Variants in ULK4 observed in about 807,000 individuals in gnomAD.
ULK4 encodes the protein inactive serine/threonine-protein kinase ULK4.
ULK4 carries 133 observed loss-of-function variants against 160.6 expected under a neutral mutation model. That is an observed-to-expected ratio of 0.83 (90% CI 0.72 to 0.96). ULK4 has a LOEUF of 0.96. ULK4 is among the 40% of genes least tolerant of loss of function. The pLI, the probability that ULK4 is intolerant of heterozygous loss-of-function variation, is 0.00. For synonymous variants in ULK4, 534 were observed against 539.8 expected (o/e 0.99, Z 0.15); for missense variants, 1,580 against 1,499.5 (o/e 1.05, Z -0.89).
intron 20 of ULK4, 121 bp downstream of exon 20, chr3:41,800,011 T>C (rs1339082839): frequency 7.9e-6 from 8 of 1,011,070 alleles, no homozygotes; most frequent in Non-Finnish European, 1.1e-5. Flanking sequence ...TTTCTCTCAA[T>C]ATTACTCTGA....
chr3:41,518,716 T>C (rs2085831370), intron 32 of ULK4, among the ~76,000 whole-genome samples: 1 of 152,128 alleles, frequency 6.6e-6, no homozygotes, highest in Admixed American at 6.5e-5. Context: ...GCAGCACTGG[T>C]TCTATCAGTT....
intron 20 of ULK4, among the ~76,000 whole-genome samples, chr3:41,790,047 A>AAAAC (rs2040103333): frequency 6.6e-6 from 1 of 152,258 alleles, no homozygotes; most frequent in Admixed American, 6.5e-5. Context: ...AGGTTGTTTT[A>AAAAC]AAACACTAGA....
chr3:41,503,490 A>C (rs894129182), intron 32 of ULK4, among the ~76,000 whole-genome samples: 1 of 152,206 alleles, frequency 6.6e-6, no homozygotes, highest in African/African-American at 2.4e-5. Flanking sequence ...TAAGCATGAC[A>C]CCAACTCTTC....
At chr3:41,709,607 A>G (rs2037021301) in intron 25 of ULK4, among the ~76,000 whole-genome samples, 1 of 152,106 alleles carries the variant, frequency 6.6e-6, no homozygotes, top group Non-Finnish European at 1.5e-5. Context: ...GGATGGTCTC[A>G]ATCTCCTGAC....
chr3:41,745,249 GTCAC>G lies in ULK4; in HGVS notation c.2321+9108_2321+9111del, dbSNP rs2038379920. On this transcript the variant is annotated intron_variant, in intron 22 of 36. Coordinates refer to ENST00000301831, the MANE Select transcript of ULK4 (RefSeq NM_017886.4). ...AAATGATAGAGAAAACAAAAAGCTG[GTCAC>G]TCAATCTCTAGCAAAACTGGTAAAA... Among the ~76,000 whole-genome samples, 6 of 151,362 alleles carry G rather than the reference GTCAC, an allele frequency of 4.0e-5. No individual in the cohort carries two copies. In the South Asian group the frequency reaches 1.2e-3, roughly 31 times the overall value.
At chr3:41,653,558 G>A (rs1414818453) in intron 30 of ULK4, among the ~76,000 whole-genome samples, 1 of 152,134 alleles carries the variant, frequency 6.6e-6, no homozygotes, top group Non-Finnish European at 1.5e-5. Flanking sequence ...GTTCCATCTA[G>A]CTCTAAAATT....
chr3:41,891,771 G>A (rs542146030), intron 16 of ULK4, among the ~76,000 whole-genome samples: 13 of 152,280 alleles, frequency 8.5e-5, no homozygotes, highest in African/African-American at 2.6e-4. Context: ...CGGGCATGAT[G>A]GCAGGTGCCT....
At chr3:41,921,242 G>A (rs1046942811) in intron 5 of ULK4, among the ~76,000 whole-genome samples, 3 of 152,084 alleles carry the variant, frequency 2.0e-5, no homozygotes, top group Admixed American at 1.3e-4. Context: ...AACCTAGTAG[G>A]CGAAGGCTGC....
intron 32 of ULK4, among the ~76,000 whole-genome samples, chr3:41,527,096 A>T (rs1407393346): frequency 6.6e-6 from 1 of 152,214 alleles, no homozygotes; most frequent in East Asian, 1.9e-4. Context: ...AAGAAGACTT[A>T]AGCTCTATTT....
intron 27 of ULK4, 142 bp from the exon 28 acceptor site, chr3:41,681,946 TCTCC>T (rs1214707965): frequency 5.9e-5 from 47 of 794,260 alleles, no homozygotes; most frequent in Non-Finnish European, 8.8e-5. Flanking sequence ...GGATTTAAAC[TCTCC>T]ATGACATTTA....
intron 34 of ULK4, among the ~76,000 whole-genome samples, chr3:41,427,669 C>A (rs1316260390): frequency 1.3e-5 from 2 of 152,194 alleles, no homozygotes; most frequent in African/African-American, 2.4e-5. Context: ...AAGACAAAAA[C>A]CACATGGTTA....
chr3:41,895,728 G>A (rs796397239), intron 15 of ULK4, among the ~76,000 whole-genome samples, 164 bp from the exon 16 acceptor site: 66 of 152,186 alleles, frequency 4.3e-4, no homozygotes, highest in African/African-American at 1.6e-3. Context: ...ACTAGTATAC[G>A]AATAAGATTA....
intron 5 of ULK4, among the ~76,000 whole-genome samples, chr3:41,929,089 T>G (rs1383734185): frequency 6.6e-6 from 1 of 151,926 alleles, no homozygotes. Flanking sequence ...GTGAAAATCC[T>G]GAATAAAATA....
chr3:41,463,261 T>C lies in ULK4; in HGVS notation c.3227-8A>G, dbSNP rs369916169. The C allele has an allele frequency of 1.2e-6, 2 of 1,602,492 alleles. No individual in the cohort carries two copies. Among genetic ancestry groups the C allele is most frequent in the African/African-American group, 2.7e-5 (2 of 74,090 alleles). On this transcript the variant is annotated splice_region_variant and splice_polypyrimidine_tract_variant and intron_variant, in intron 32 of 36. Coordinates refer to ENST00000301831, the MANE Select transcript of ULK4 (RefSeq NM_017886.4). The stretch of plus-strand genomic sequence containing the variant: ...AGATGTGACTGACAAGTCCTGAGGG[T>C]AAAAAAGGAAAAGAAAAAAACCTCA...
At chr3:41,803,951 T>C (rs1181502236) in intron 19 of ULK4, among the ~76,000 whole-genome samples, 1 of 152,238 alleles carries the variant, frequency 6.6e-6, no homozygotes, top group East Asian at 1.9e-4. Context: ...AACATATGTG[T>C]GCATGTGTCT....
chr3:41,889,627 A>G (rs931835080), intron 16 of ULK4, among the ~76,000 whole-genome samples: 2 of 152,214 alleles, frequency 1.3e-5, no homozygotes, highest in African/African-American at 4.8e-5. Context: ...AATCTGTACA[A>G]GAAACCCCCA....
intron 11 of ULK4, among the ~76,000 whole-genome samples, chr3:41,909,938 C>T (rs1490368997): frequency 6.6e-6 from 1 of 152,088 alleles, no homozygotes; most frequent in Non-Finnish European, 1.5e-5. Flanking sequence ...CTCTTGTCCC[C>T]CAGGCTGGAG....
intron 34 of ULK4, among the ~76,000 whole-genome samples, chr3:41,404,042 G>T (rs2082241074): frequency 6.6e-6 from 1 of 151,626 alleles, no homozygotes; most frequent in Non-Finnish European, 1.5e-5. Context: ...CATGGGCACT[G>T]GAAAAAAAAA....
intron 35 of ULK4, among the ~76,000 whole-genome samples, chr3:41,387,663 G>C (rs2081850490): frequency 6.6e-6 from 1 of 152,066 alleles, no homozygotes; most frequent in South Asian, 2.1e-4. Context: ...TGAGAATGAT[G>C]GTTTCCAGCT....
Sources: gnomAD v4.1 joint callset for allele counts (sites outside exome capture counted in the v4.1 genomes callset) on GRCh38, gnomAD v4.1.1 for gene constraint, MANE v1.5 for transcripts, NCBI Gene and HGNC (gene_info 2026-07-23, HGNC 2026-07-21) for gene names.